Variants in THSD7A observed in about 807,000 individuals in gnomAD.
THSD7A encodes the protein thrombospondin type 1 domain containing 7A.
In THSD7A, 96 loss-of-function variants were observed where a neutral mutation model predicts 231.3. The observed-to-expected ratio is 0.41, with a 90% CI of 0.35 to 0.49. THSD7A has a LOEUF of 0.49. Ranked by LOEUF, THSD7A falls within the 20% of genes least tolerant of loss-of-function variation. THSD7A has a pLI of 0.05. For missense variants in THSD7A, 2,290 were observed against 2,070.2 expected (o/e 1.11, Z -2.06); for synonymous variants, 940 against 743.3 (o/e 1.26, Z -4.30).
intron 1 of THSD7A, among the ~76,000 whole-genome samples, chr7:11,765,744 C>T (rs912646043): frequency 2.7e-4 from 41 of 152,006 alleles, no homozygotes; most frequent in African/African-American, 9.7e-4. Flanking sequence ...AGTGGTATTC[C>T]ATCTTCTTTC....
intron 4 of THSD7A, among the ~76,000 whole-genome samples, chr7:11,545,211 T>C (rs1789328204): frequency 6.6e-6 from 1 of 151,942 alleles, no homozygotes. Context: ...AAATGAGAGG[T>C]TTTGGGTAGA....
chr7:11,604,428 C>T (rs954609724), intron 2 of THSD7A, among the ~76,000 whole-genome samples: 2 of 152,010 alleles, frequency 1.3e-5, no homozygotes, highest in African/African-American at 4.8e-5. Context: ...TCTATCTATC[C>T]ATGTATTTGT....
At chr7:11,420,780 C>T (rs996827943) in intron 16 of THSD7A, among the ~76,000 whole-genome samples, 1 of 152,232 alleles carries the variant, frequency 6.6e-6, no homozygotes, top group African/African-American at 2.4e-5. Flanking sequence ...GGGCTGTACC[C>T]TGCAGAGCCA....
At chr7:11,735,094 T>C (rs1353592333) in intron 1 of THSD7A, among the ~76,000 whole-genome samples, 2 of 151,920 alleles carry the variant, frequency 1.3e-5, no homozygotes, top group Non-Finnish European at 2.9e-5. Context: ...TAGTTGATTA[T>C]ATCACATATA....
At chr7:11,573,196 C>T (rs1790724643) in intron 4 of THSD7A, among the ~76,000 whole-genome samples, 1 of 152,182 alleles carries the variant, frequency 6.6e-6, no homozygotes, top group African/African-American at 2.4e-5. Flanking sequence ...GCTACCTATA[C>T]TATCACCTTT....
chr7:11,678,950 T>C (rs1290089038), intron 1 of THSD7A, among the ~76,000 whole-genome samples: 1 of 152,126 alleles, frequency 6.6e-6, no homozygotes, highest in Non-Finnish European at 1.5e-5. Flanking sequence ...AACTCCTCGA[T>C]AAAATTCTGG....
At chr7:11,746,530 G>A (rs532717800) in intron 1 of THSD7A, among the ~76,000 whole-genome samples, 25 of 151,860 alleles carry the variant, frequency 1.6e-4, no homozygotes, top group Admixed American at 1.2e-3. Flanking sequence ...GAGGAGTACT[G>A]GTCACATATT....
chr7:11,636,495 A>G lies in THSD7A; in HGVS notation c.657T>C (p.Arg219=), dbSNP rs376842189. The G allele has an allele frequency of 1.2e-6, 2 of 1,613,752 alleles. No homozygotes were observed. Among genetic ancestry groups the G allele is most frequent in the South Asian group, 1.1e-5 (1 of 91,072 alleles). Residue 219 remains arginine, a synonymous_variant, in exon 2 of 28, where the codon CGT becomes CGC. Coordinates refer to ENST00000423059, the MANE Select transcript of THSD7A (RefSeq NM_015204.3). The surrounding 1 kb of genome is among the most constrained non-coding windows in gnomAD (Gnocchi z 10.0). ...CGAACTGCGGGGGCGCCACCACATG[A>G]CGCGTCCGGTGCTGGAGCCCGCTGC... ...TCGSGLQHRT[R]HVVAPPQFGG... is the part of the protein sequence containing the mutation.
At chr7:11,571,338 C>A (rs891436614) in intron 4 of THSD7A, among the ~76,000 whole-genome samples, 1 of 152,266 alleles carries the variant, frequency 6.6e-6, no homozygotes, top group Middle Eastern at 3.4e-3. Flanking sequence ...ACTCATTCCC[C>A]AAGTTCTAAG....
intron 1 of THSD7A, among the ~76,000 whole-genome samples, chr7:11,685,880 G>C (rs954506010): frequency 2.6e-5 from 4 of 151,894 alleles, no homozygotes; most frequent in Admixed American, 2.6e-4. Flanking sequence ...TTACACAAAG[G>C]AAAATAAATT....
chr7:11,490,216 T>G (rs1786831278), intron 6 of THSD7A, among the ~76,000 whole-genome samples: 1 of 152,076 alleles, frequency 6.6e-6, no homozygotes. Context: ...ACATTTGACT[T>G]CATTCCGGAG....
At chr7:11,789,616 C>A (rs1233323767) in intron 1 of THSD7A, among the ~76,000 whole-genome samples, 3 of 151,494 alleles carry the variant, frequency 2.0e-5, no homozygotes, top group African/African-American at 4.9e-5. Flanking sequence ...TGTCTTAATA[C>A]ATTTTTAAGT....
chr7:11,666,637 T>G (rs1298153018), intron 1 of THSD7A, among the ~76,000 whole-genome samples: 1 of 151,714 alleles, frequency 6.6e-6, no homozygotes, highest in Non-Finnish European at 1.5e-5. Context: ...TTATCTTGAT[T>G]GTATAATATA....
intron 13 of THSD7A, among the ~76,000 whole-genome samples, chr7:11,434,048 C>T (rs1784557450): frequency 6.6e-6 from 1 of 152,004 alleles, no homozygotes. Context: ...GTTTATCTAG[C>T]ACCATTAAAA....
chr7:11,503,624 C>T (rs769099640), intron 6 of THSD7A, among the ~76,000 whole-genome samples: 4 of 152,156 alleles, frequency 2.6e-5, no homozygotes, highest in Admixed American at 6.5e-5. Flanking sequence ...GAAAAACAAA[C>T]GACTCCATTA....
chr7:11,764,222 A>G (rs1782955613), intron 1 of THSD7A, among the ~76,000 whole-genome samples: 1 of 152,260 alleles, frequency 6.6e-6, no homozygotes, highest in South Asian at 2.1e-4. Flanking sequence ...CACAGCTGTC[A>G]TAAAATACCA....
chr7:11,530,468 C>T (rs1041154578), intron 6 of THSD7A, among the ~76,000 whole-genome samples: 3 of 152,162 alleles, frequency 2.0e-5, no homozygotes, highest in Non-Finnish European at 4.4e-5. Flanking sequence ...TTAAGTGGAA[C>T]ACAGTGCTAG....
intron 1 of THSD7A, among the ~76,000 whole-genome samples, chr7:11,662,696 G>A (rs1056777001): frequency 2.0e-5 from 3 of 151,174 alleles, no homozygotes; most frequent in Non-Finnish European, 4.4e-5. Context: ...AAACCTCAAA[G>A]GATTGAAATT....
intron 1 of THSD7A, among the ~76,000 whole-genome samples, chr7:11,807,024 C>T (rs978884415): frequency 1.3e-5 from 2 of 151,908 alleles, no homozygotes; most frequent in African/African-American, 2.4e-5. Context: ...CTTTCTTCTT[C>T]TTTCTCTCTC....
Sources: allele counts gnomAD v4.1 joint callset (sites outside exome capture counted in the v4.1 genomes callset), GRCh38; gene constraint gnomAD v4.1.1; non-coding constraint Gnocchi (gnomAD v3.1); transcripts MANE v1.5; gene names NCBI Gene and HGNC (gene_info 2026-07-23, HGNC 2026-07-21).